TSHZ2: variants seen among roughly 807,000 people sequenced by gnomAD.
TSHZ2 encodes the protein teashirt homolog 2.
In TSHZ2, 21 loss-of-function variants were observed where a neutral mutation model predicts 74.4. That is an observed-to-expected ratio of 0.28 (90% CI 0.20 to 0.41). TSHZ2 has a LOEUF of 0.41. TSHZ2 is among the 10% of genes least tolerant of loss of function. The pLI, the probability that TSHZ2 is intolerant of heterozygous loss-of-function variation, is 1.00. For synonymous variants in TSHZ2, 540 were observed against 515.3 expected (o/e 1.05, Z -0.65); for missense variants, 1,244 against 1,293.5 (o/e 0.96, Z 0.59).
intron 1 of TSHZ2, among the ~76,000 whole-genome samples, chr20:53,193,070 G>A (rs1280031230): frequency 6.6e-6 from 1 of 151,064 alleles, no homozygotes; most frequent in African/African-American, 2.4e-5. Flanking sequence ...TGGTGTGGAA[G>A]ACCCCAAAAC....
intron 1 of TSHZ2, among the ~76,000 whole-genome samples, chr20:53,154,409 A>G (rs879895037): frequency 5.9e-5 from 9 of 152,188 alleles, no homozygotes; most frequent in Non-Finnish European, 1.3e-4. Context: ...AAAAATAACA[A>G]ATAATAAAAT....
At chr20:53,128,313 G>A (rs1167928299) in intron 1 of TSHZ2, among the ~76,000 whole-genome samples, 1 of 152,194 alleles carries the variant, frequency 6.6e-6, no homozygotes, top group Admixed American at 6.5e-5. Flanking sequence ...AGTAATTTTA[G>A]TATCAACCAG....
intron 1 of TSHZ2, among the ~76,000 whole-genome samples, chr20:53,006,555 C>G (rs931394010): frequency 6.6e-6 from 1 of 152,190 alleles, no homozygotes; most frequent in East Asian, 1.9e-4. Context: ...CTACTCAACT[C>G]CAGTCTGTAG....
intron 1 of TSHZ2, among the ~76,000 whole-genome samples, chr20:52,977,145 G>A (rs1399212256): frequency 6.6e-6 from 1 of 152,122 alleles, no homozygotes; most frequent in African/African-American, 2.4e-5. Context: ...CCTCTTGATA[G>A]TGATGACTCT....
chr20:53,128,225 G>T (rs1987000943), intron 1 of TSHZ2, among the ~76,000 whole-genome samples: 1 of 152,170 alleles, frequency 6.6e-6, no homozygotes. Context: ...CCACTGAAGA[G>T]GCTCAACCCC....
chr20:53,211,763 G>A (rs533388275), intron 1 of TSHZ2, among the ~76,000 whole-genome samples: 37 of 152,152 alleles, frequency 2.4e-4, no homozygotes, highest in African/African-American at 8.7e-4. Flanking sequence ...TTTTATCATC[G>A]TAGACTCAGA....
At chr20:53,232,409 A>AGGAGTTTAC (rs1337477868) in intron 1 of TSHZ2, among the ~76,000 whole-genome samples, 2 of 152,238 alleles carry the variant, frequency 1.3e-5, no homozygotes, top group African/African-American at 4.8e-5. Context: ...CTGAGCTCCA[A>AGGAGTTTAC]GGAGTTTACC....
chr20:53,294,481 A>AG lies in TSHZ2; in HGVS notation c.*8+37910_*8+37911insG, dbSNP rs1555847200. 3.0e-3 allele frequency among the ~76,000 whole-genome samples: 456 copies of AG among 151,954 alleles called. 1 individual carries two copies. Among genetic ancestry groups the AG allele is most frequent in the African/African-American group, 0.01 (431 of 41,446 alleles). ...GAAGTCCACAAGCTTATAAAAAAAA[A>AG]AGAGAGAGAGAGAGACAGAGAGTAT... On this transcript the variant is annotated intron_variant, in intron 2 of 2. Transcript: ENST00000371497.
At chr20:53,072,572 C>G (rs1367762900) in intron 1 of TSHZ2, among the ~76,000 whole-genome samples, 1 of 152,138 alleles carries the variant, frequency 6.6e-6, no homozygotes, top group African/African-American at 2.4e-5. Context: ...TGTCTTGTTT[C>G]CATTCTATTT....
chr20:53,070,527 A>C (rs1985136793), intron 1 of TSHZ2, among the ~76,000 whole-genome samples: 1 of 152,220 alleles, frequency 6.6e-6, no homozygotes, highest in Admixed American at 6.5e-5. Context: ...ATTTTTATTT[A>C]CAATTTAAAA....
intron 1 of TSHZ2, among the ~76,000 whole-genome samples, chr20:53,047,916 A>G (rs1046632580): frequency 1.3e-5 from 2 of 152,172 alleles, no homozygotes; most frequent in South Asian, 4.1e-4. Context: ...ACAGCCCTGC[A>G]AGGTAGACAC....
At chr20:53,008,634 G>A (rs1236022840) in intron 1 of TSHZ2, among the ~76,000 whole-genome samples, 3 of 151,676 alleles carry the variant, frequency 2.0e-5, no homozygotes, top group Non-Finnish European at 4.4e-5. Context: ...GAGTTAAGCA[G>A]CAGAATATTA....
At chr20:53,016,615 G>C (rs1983049565) in intron 1 of TSHZ2, among the ~76,000 whole-genome samples, 1 of 152,132 alleles carries the variant, frequency 6.6e-6, no homozygotes, top group African/African-American at 2.4e-5. Context: ...CCAGAATTTT[G>C]TGAGAGGCTT....
rs992448369 is a variant in TSHZ2, at chr20:53,240,707, AATAG to A, written c.41-12781_41-12778del. ...AACAATAAACTCGACTGTGCATTAA[AATAG>A]ATAGATAGATGATAGATAGATAGAT... On this transcript the variant is annotated intron_variant, in intron 1 of 2. Transcript: ENST00000371497. 4.8e-5 allele frequency among the ~76,000 whole-genome samples: 7 copies of A among 144,800 alleles called. No homozygotes were observed. In the East Asian group the frequency reaches 8.1e-4, roughly 17 times the overall value. The allele number at this position is 144,800 out of a possible 152,430, so 95.0% of individuals were successfully genotyped here. A position where few individuals can be genotyped will look rare whatever the true frequency, so the allele number is the denominator to read the frequency against.
At chr20:53,391,256 C>T (rs1256870178) in intron 2 of TSHZ2, among the ~76,000 whole-genome samples, 1 of 152,144 alleles carries the variant, frequency 6.6e-6, no homozygotes, top group Non-Finnish European at 1.5e-5. Flanking sequence ...ACACCATTCT[C>T]CTGCCTCAGC....
intron 2 of TSHZ2, among the ~76,000 whole-genome samples, chr20:53,342,267 G>A (rs1254576454): frequency 6.9e-6 from 1 of 145,614 alleles, no homozygotes; most frequent in Non-Finnish European, 1.5e-5. Flanking sequence ...ATGTCTCCTT[G>A]GGCTCTTGTT....
chr20:53,102,839 A>G (rs993759796), intron 1 of TSHZ2, among the ~76,000 whole-genome samples: 1 of 151,962 alleles, frequency 6.6e-6, no homozygotes, highest in African/African-American at 2.4e-5. Flanking sequence ...CATTAGTACA[A>G]TGAATTTTGT....
At chr20:53,481,344 A>G (rs1464843553) in intron 2 of TSHZ2, among the ~76,000 whole-genome samples, 4 of 152,054 alleles carry the variant, frequency 2.6e-5, no homozygotes. Context: ...GGTCAAGGCA[A>G]TAGGATTGCT....
intron 2 of TSHZ2, among the ~76,000 whole-genome samples, chr20:53,461,091 T>C (rs950655089): frequency 2.0e-5 from 3 of 152,154 alleles, no homozygotes. Flanking sequence ...TCCCGGCTGC[T>C]TTGTTTACCT....
Sources: gnomAD v4.1 joint callset for allele counts (sites outside exome capture counted in the v4.1 genomes callset) on GRCh38, gnomAD v4.1.1 for gene constraint, MANE v1.5 for transcripts, NCBI Gene and HGNC (gene_info 2026-07-23, HGNC 2026-07-21) for gene names.